MCTP1: variants seen among roughly 807,000 people sequenced by gnomAD.
The protein encoded by MCTP1 is multiple C2 and transmembrane domain-containing protein 1.
In MCTP1, 69 loss-of-function variants were observed where a neutral mutation model predicts 120.6. The observed-to-expected ratio is 0.57, with a 90% CI of 0.47 to 0.70. MCTP1 has a LOEUF of 0.70. Ranked by LOEUF, MCTP1 falls within the 30% of genes least tolerant of loss-of-function variation. The pLI, the probability that MCTP1 is intolerant of heterozygous loss-of-function variation, is 0.00. For missense variants in MCTP1, 1,203 were observed against 1,248.8 expected, an observed-to-expected ratio of 0.96 and a Z score of 0.55; for synonymous variants, 529 against 493.1, an observed-to-expected ratio of 1.07 and a Z score of -0.96.
At chr5:94,814,411 T>C (rs1279088551) in intron 17 of MCTP1, among the ~76,000 whole-genome samples, 1 of 152,214 alleles carries the variant, frequency 6.6e-6, no homozygotes, top group Non-Finnish European at 1.5e-5. Flanking sequence ...GATGATTCTT[T>C]GGACAGTTGG....
intron 1 of MCTP1, among the ~76,000 whole-genome samples, chr5:95,153,118 C>T (rs144870528): frequency 7.2e-5 from 11 of 152,130 alleles, no homozygotes; most frequent in Non-Finnish European, 1.6e-4. Context: ...GTGATCCCCA[C>T]GTGTTGATGG....
chr5:94,716,673 G>C (rs1759476945), intron 19 of MCTP1, among the ~76,000 whole-genome samples: 1 of 151,960 alleles, frequency 6.6e-6, no homozygotes, highest in African/African-American at 2.4e-5. Flanking sequence ...TCAAAATTAT[G>C]TGAAAAACTA....
intron 1 of MCTP1, among the ~76,000 whole-genome samples, chr5:95,092,365 G>T (rs1258693634): frequency 1.3e-5 from 2 of 152,182 alleles, no homozygotes; most frequent in East Asian, 3.8e-4. Context: ...AAAACACTTG[G>T]AGATATAGCC....
chr5:95,208,346 C>A (rs768252392), intron 1 of MCTP1, among the ~76,000 whole-genome samples: 1 of 152,274 alleles, frequency 6.6e-6, no homozygotes, highest in Middle Eastern at 3.4e-3. Flanking sequence ...CCACCTCAGC[C>A]ACCCAAAGAG....
intron 1 of MCTP1, among the ~76,000 whole-genome samples, chr5:95,067,897 T>C (rs1369530221): frequency 1.3e-5 from 2 of 152,184 alleles, no homozygotes; most frequent in Non-Finnish European, 2.9e-5. Flanking sequence ...AACTTATTCC[T>C]CCTAACTGAA....
At chr5:94,953,165 A>G in intron 3 of MCTP1, 54 bp downstream of exon 3, 2 of 1,508,486 alleles carry the variant, frequency 1.3e-6, no homozygotes, top group East Asian at 4.7e-5. Flanking sequence ...AAAACCCAGT[A>G]AACAGGGATT....
At chr5:95,074,966 G>A (rs1375289182) in intron 1 of MCTP1, among the ~76,000 whole-genome samples, 1 of 152,166 alleles carries the variant, frequency 6.6e-6, no homozygotes, top group African/African-American at 2.4e-5. Context: ...TGGCTCTGTC[G>A]GGAGCTGGCT....
intron 1 of MCTP1, among the ~76,000 whole-genome samples, chr5:95,060,271 A>G (rs1413911051): frequency 6.6e-6 from 1 of 152,120 alleles, no homozygotes; most frequent in Non-Finnish European, 1.5e-5. Flanking sequence ...GGAAGTGAAG[A>G]AAGGAAGCAC....
chr5:94,789,706 C>G (rs1018627947), intron 18 of MCTP1: 1 of 152,104 alleles, frequency 6.6e-6, no homozygotes, highest in Non-Finnish European at 1.5e-5. Flanking sequence ...GTATACAGAC[C>G]TCTTATCACT....
At chr5:95,043,249 A>C (rs958203202) in intron 1 of MCTP1, among the ~76,000 whole-genome samples, 2 of 152,204 alleles carry the variant, frequency 1.3e-5, no homozygotes, top group African/African-American at 4.8e-5. Flanking sequence ...CATTTCTAAA[A>C]CATTTTAGAA....
chr5:95,058,928 C>G (rs1332706004), intron 1 of MCTP1, among the ~76,000 whole-genome samples: 3 of 152,170 alleles, frequency 2.0e-5, no homozygotes, highest in African/African-American at 7.2e-5. Context: ...CATCTCAGAT[C>G]CTGTGTCCAG....
At chr5:95,175,722 C>A (rs1747888737) in intron 1 of MCTP1, among the ~76,000 whole-genome samples, 1 of 152,176 alleles carries the variant, frequency 6.6e-6, no homozygotes, top group Admixed American at 6.5e-5. Context: ...TGCCTTTCTG[C>A]AGTCCTGTTT....
At chr5:94,719,985 G>C (rs1179636126) in intron 19 of MCTP1, among the ~76,000 whole-genome samples, 1 of 152,064 alleles carries the variant, frequency 6.6e-6, no homozygotes, top group Non-Finnish European at 1.5e-5. Flanking sequence ...AATTAGCCGG[G>C]CGTGGTGGTG....
chr5:95,256,550 T>C (rs951112961), intron 1 of MCTP1, among the ~76,000 whole-genome samples: 1 of 152,206 alleles, frequency 6.6e-6, no homozygotes, highest in Non-Finnish European at 1.5e-5. Flanking sequence ...CTAGGGGTAA[T>C]AGTGACGTCC....
chr5:94,863,026 C>T (rs1464085508), intron 17 of MCTP1, among the ~76,000 whole-genome samples: 2 of 151,754 alleles, frequency 1.3e-5, no homozygotes, highest in Non-Finnish European at 2.9e-5. Context: ...CTTACTTGCA[C>T]ATTTGTGAGA....
chr5:95,160,140 G>T (rs1745559081), intron 1 of MCTP1, among the ~76,000 whole-genome samples: 1 of 152,200 alleles, frequency 6.6e-6, no homozygotes. Context: ...GAATGTTACT[G>T]AAGTTTTGTA....
At chr5:94,826,610 T>C in intron 17 of MCTP1, 1 of 780,158 alleles carries the variant, frequency 1.3e-6, no homozygotes, top group South Asian at 1.4e-5. Flanking sequence ...GCTCTTGATC[T>C]TCAGCTCTGC....
chr5:94,844,272 A>G lies in MCTP1; in HGVS notation c.2436+24061T>C, dbSNP rs1348281877. ...AGCCGAGATCGCGCCATTGCACTCC[A>G]GCCTGGGCGACAGAGTGAGACTCTG... is the stretch of plus-strand genomic sequence containing the variant. On this transcript the variant is annotated intron_variant, in intron 17 of 22. Transcript: ENST00000515393. 5.5e-5 allele frequency among the ~76,000 whole-genome samples: 7 copies of G among 127,306 alleles called. No individual in the cohort carries two copies. In the Admixed American group the frequency reaches 6.8e-4, roughly 12 times the overall value. 83.5% of individuals were successfully genotyped at this position (127,306 alleles called of 152,430 possible).
intron 10 of MCTP1, among the ~76,000 whole-genome samples, chr5:94,895,055 T>G (rs1803624044): frequency 6.6e-6 from 1 of 152,172 alleles, no homozygotes; most frequent in Admixed American, 6.5e-5. Flanking sequence ...AAAAATATGT[T>G]AATCTGAAAT....
Sources: allele counts gnomAD v4.1 joint callset (sites outside exome capture counted in the v4.1 genomes callset), GRCh38; gene constraint gnomAD v4.1.1; transcripts MANE v1.5; gene names NCBI Gene and HGNC (gene_info 2026-07-23, HGNC 2026-07-21).